Variants in TMPRSS2 observed in about 807,000 individuals in gnomAD.
TMPRSS2 encodes the protein transmembrane serine protease 2.
A neutral mutation model predicts 67.4 loss-of-function variants in TMPRSS2; 59 were observed. The ratio of observed to expected loss-of-function variants is 0.88; its 90% CI spans 0.71 to 1.09. The LOEUF (loss-of-function observed/expected upper bound fraction) is 1.09, where lower values mean the gene tolerates loss of function less well. Ranked by LOEUF, TMPRSS2 falls within the 50% of genes least tolerant of loss-of-function variation. TMPRSS2 has a pLI of 0.00. For synonymous variants in TMPRSS2, 257 were observed against 257.0 expected, an observed-to-expected ratio of 1.00 and a Z score of 0.00; for missense variants, 668 against 642.7, an observed-to-expected ratio of 1.04 and a Z score of -0.43.
chr21:41,481,017 C>T (rs1047950433), intron 5 of TMPRSS2, among the ~76,000 whole-genome samples: 11 of 152,198 alleles, frequency 7.2e-5, no homozygotes, highest in African/African-American at 2.4e-4. Context: ...ACAGTTCACT[C>T]TTCTCAAGGC....
chr21:41,488,609 C>T lies in TMPRSS2; in HGVS notation c.326-96G>A, dbSNP rs2091314448. ...ACCGTGGCATTACTGTAGCTCGCTG[C>T]AGCCTCCAACTCCTGGCCCCACTGT... On this transcript the variant is annotated intron_variant, in intron 4 of 13. Coordinates refer to ENST00000332149, the MANE Select transcript of TMPRSS2 (RefSeq NM_005656.4). 4.5e-5 allele frequency: 60 copies of T among 1,327,946 alleles called. 1 individual carries two copies. In the South Asian group the frequency reaches 7.9e-4, roughly 18 times the overall value. The allele number at this position is 1,327,946 out of a possible 1,614,324, so 82.3% of individuals were successfully genotyped here. A position where few individuals can be genotyped will look rare whatever the true frequency, so the allele number is the denominator to read the frequency against.
intron 1 of TMPRSS2, among the ~76,000 whole-genome samples, chr21:41,498,565 C>G (rs1278576488): frequency 1.3e-5 from 2 of 152,184 alleles, no homozygotes; most frequent in Non-Finnish European, 2.9e-5. Flanking sequence ...CAAGGCCACC[C>G]ACAACTCCAG....
chr21:41,492,916 C>T (rs2091349316), intron 3 of TMPRSS2, among the ~76,000 whole-genome samples: 1 of 152,188 alleles, frequency 6.6e-6, no homozygotes, highest in South Asian at 2.1e-4. Context: ...TTCCTTATCC[C>T]CTTCACCCTG....
Position 41,477,207 on chromosome 21 carries a change from T to G in TMPRSS2, c.684-587A>C, listed in dbSNP as rs8131648. Among the ~76,000 whole-genome samples, 5 of 151,586 alleles carry G rather than the reference T, an allele frequency of 3.3e-5. No individual in the cohort carries two copies. The South Asian group carries it at 1.0e-3, about 31-fold the overall frequency. On this transcript the variant is annotated intron_variant, in intron 7 of 13. Transcript: ENST00000332149. Reference sequence around the variant, plus strand: ...CCTGGCATGCAGAGCTGGCCCGCCCTGATAGCTGGGCCGTGTGCTCTGCGG... The same window carrying G: ...CCTGGCATGCAGAGCTGGCCCGCCCGGATAGCTGGGCCGTGTGCTCTGCGG...
Position 41,464,597 on chromosome 21 carries a change from T to C in TMPRSS2, c.*1545A>G. 1 of 232,066 alleles carries C rather than the reference T, an allele frequency of 4.3e-6. No individual in the cohort carries two copies. Among genetic ancestry groups the C allele is most frequent in the Non-Finnish European group, 8.5e-6 (1 of 117,238 alleles). The allele number at this position is 232,066 out of a possible 1,614,324, so 14.4% of individuals were successfully genotyped here. ...ATAATTTATTTGCATGATATTCATT[T>C]TCACAATTGAACTTTACAGTTTAAA... is the stretch of plus-strand genomic sequence containing the variant. On this transcript the variant is annotated 3_prime_UTR_variant, in exon 14 of 14. Transcript: ENST00000332149.
rs2091073082 is a variant in TMPRSS2, at chr21:41,464,976, AACCC to A, written c.*1162_*1165del. Reference sequence around the variant, plus strand: ...AAAAGGGACCCTTCCCCTGGTTGGAAACCCACAGCATTGGAAGGGACCACAGAGA... The same window carrying A: ...AAAAGGGACCCTTCCCCTGGTTGGAAACAGCATTGGAAGGGACCACAGAGA... On this transcript the variant is annotated 3_prime_UTR_variant, in exon 14 of 14. Transcript: ENST00000332149. 1 of 233,190 alleles carries A rather than the reference AACCC, an allele frequency of 4.3e-6. No homozygotes were observed. The highest frequency in any genetic ancestry group is 5.6e-5 in the Admixed American group (1 of 17,778). 14.4% of individuals were successfully genotyped at this position (233,190 alleles called of 1,614,324 possible).
At chr21:41,484,240 T>C (rs918800578) in intron 5 of TMPRSS2, among the ~76,000 whole-genome samples, 3 of 152,234 alleles carry the variant, frequency 2.0e-5, no homozygotes, top group Admixed American at 1.3e-4. Context: ...CCATTTTCTT[T>C]TCTCTTTTCT....
rs150502923 is a variant in TMPRSS2 at position 41,494,529 on chromosome 21, G to A, written c.65C>T (p.Pro22Leu). Reference sequence around the variant, plus strand: ...GGGCTGTGCGGGATAGGGGTTTTCCGGTTGGTATCCATGGTTTTCATAGTA... The same window carrying A: ...GGGCTGTGCGGGATAGGGGTTTTCCAGTTGGTATCCATGGTTTTCATAGTA... The part of the protein sequence containing the change: ...GPYYENHGYQ[P>L]ENPYPAQPTV... Residue 22 changes from proline to leucine, a missense_variant, in exon 3 of 14, where the codon CCG (proline) becomes CTG (leucine). Pro to Leu is a moderately conservative substitution (Grantham distance 98). Transcript: ENST00000332149. The A allele has an allele frequency of 1.9e-5, 30 of 1,613,764 alleles. No homozygotes were observed. The African/African-American group carries it at 2.8e-4, about 15-fold the overall frequency.
chr21:41,504,487 A>G (rs891529285), intron 1 of TMPRSS2, among the ~76,000 whole-genome samples: 1 of 152,190 alleles, frequency 6.6e-6, no homozygotes, highest in Non-Finnish European at 1.5e-5. Flanking sequence ...CAACCAGCGC[A>G]TTTCCACTCA....
rs2091233106 is a variant in TMPRSS2, at chr21:41,478,540, C to A, written c.683+632G>T. On this transcript the variant is annotated intron_variant, in intron 7 of 13. Transcript: ENST00000332149. The surrounding 1 kb of genome is among the most constrained non-coding windows in gnomAD (Gnocchi z 4.0). ...AGCAAAAGGAAGAGCCTAAGTCCAT[C>A]CCCTCTTCTGCCCTCCCAGCCAGGT... Among the ~76,000 whole-genome samples the A allele has an allele frequency of 6.6e-6, 1 of 152,226 alleles. No homozygotes were observed. Among genetic ancestry groups the A allele is most frequent in the South Asian group, 2.1e-4 (1 of 4,832 alleles).
chr21:41,501,681 G>T (rs1178004209), intron 1 of TMPRSS2, among the ~76,000 whole-genome samples: 1 of 151,228 alleles, frequency 6.6e-6, no homozygotes, highest in African/African-American at 2.4e-5. Flanking sequence ...ACAAGGGGGG[G>T]AATGTCCCGC....
rs2091313858 is a variant in TMPRSS2, at chr21:41,488,522, G to GA, written c.326-10dup. ...GGAGCACTTGCTGCCCACTTGCAGAGAAAACAGAAGAGAGGTGCCCTTCAG... is the reference window on the plus strand; with the variant it reads ...GGAGCACTTGCTGCCCACTTGCAGAGAAAAACAGAAGAGAGGTGCCCTTCAG... On this transcript the variant is annotated splice_polypyrimidine_tract_variant and intron_variant, in intron 4 of 13. Transcript: ENST00000332149. 2 of 1,609,032 alleles carry GA rather than the reference G, an allele frequency of 1.2e-6. No homozygotes were observed. The highest frequency in any genetic ancestry group is 1.7e-6 in the Non-Finnish European group (2 of 1,176,978).
intron 5 of TMPRSS2, among the ~76,000 whole-genome samples, chr21:41,486,312 T>G (rs1481688106): frequency 6.6e-6 from 1 of 152,108 alleles, no homozygotes; most frequent in Non-Finnish European, 1.5e-5. Context: ...CTTTTTTTTG[T>G]TTTTTGAGAT....
chr21:41,502,212 A>C (rs903610324), intron 1 of TMPRSS2, among the ~76,000 whole-genome samples: 1 of 152,182 alleles, frequency 6.6e-6, no homozygotes, highest in Non-Finnish European at 1.5e-5. Context: ...TGCCAAAACA[A>C]GAATCTTTTC....
chr21:41,470,012 T>C (rs1282008842), intron 11 of TMPRSS2, among the ~76,000 whole-genome samples: 1 of 152,200 alleles, frequency 6.6e-6, no homozygotes, highest in African/African-American at 2.4e-5. Flanking sequence ...ACCCAACCTT[T>C]GTACTTTTCC....
chr21:41,499,902 G>A (rs1282304653), intron 1 of TMPRSS2, among the ~76,000 whole-genome samples: 1 of 152,132 alleles, frequency 6.6e-6, no homozygotes, highest in East Asian at 1.9e-4. Flanking sequence ...TTTAAGAAAC[G>A]GGGTTCAAGA....
chr21:41,488,957 AAGG>A (rs1336835443), intron 4 of TMPRSS2, among the ~76,000 whole-genome samples: 7 of 152,174 alleles, frequency 4.6e-5, no homozygotes, highest in Non-Finnish European at 7.3e-5. Context: ...CCACTTTAAT[AAGG>A]AGGAGAAGTG....
chr21:41,468,846 G>T, intron 11 of TMPRSS2: 1 of 303,020 alleles, frequency 3.3e-6, no homozygotes, highest in East Asian at 5.4e-5. Flanking sequence ...CAACGGCTTG[G>T]TTCTGCTGAA....
chr21:41,479,356 C>T, intron 6 of TMPRSS2, 74 bp from the exon 7 acceptor site: 1 of 1,099,822 alleles, frequency 9.1e-7, no homozygotes, highest in South Asian at 1.3e-5. Flanking sequence ...TGTCATAATA[C>T]CGCTCATACG....
Sources: allele counts gnomAD v4.1 joint callset (sites outside exome capture counted in the v4.1 genomes callset), GRCh38; gene constraint gnomAD v4.1.1; non-coding constraint Gnocchi (gnomAD v3.1); transcripts MANE v1.5; gene names NCBI Gene and HGNC (gene_info 2026-07-23, HGNC 2026-07-21).